Variants in GFM1 observed in about 807,000 individuals in gnomAD.
GFM1 encodes the protein elongation factor G, mitochondrial.
In GFM1, 62 loss-of-function variants were observed where a neutral mutation model predicts 96.2. The ratio of observed to expected loss-of-function variants is 0.64; its 90% CI spans 0.53 to 0.80. GFM1 has a LOEUF of 0.80. GFM1 is among the 30% of genes least tolerant of loss of function. The pLI is 0.00. For missense variants in GFM1, 852 were observed against 916.6 expected, an observed-to-expected ratio of 0.93 and a Z score of 0.91; for synonymous variants, 282 against 312.9, an observed-to-expected ratio of 0.90 and a Z score of 1.04.
At chr3:158,646,084 C>T in intron 2 of GFM1, 81 bp from the exon 3 acceptor site, 1 of 1,555,838 alleles carries the variant, frequency 6.4e-7, no homozygotes, top group Non-Finnish European at 8.9e-7. Flanking sequence ...CACCTGGCAA[C>T]TGTTTCCATT....
intron 13 of GFM1, chr3:158,671,129 G>A (rs1450444146): frequency 3.1e-6 from 4 of 1,286,652 alleles, no homozygotes. Context: ...GAAGGGGAAT[G>A]GTGAAAGCCT....
intron 13 of GFM1, among the ~76,000 whole-genome samples, chr3:158,673,513 T>C (rs113853418): frequency 3.4e-4 from 36 of 105,568 alleles, no homozygotes; most frequent in Admixed American, 4.7e-4. Context: ...CTTTTCTTTT[T>C]TTTTTTTTTT....
rs148596605 is a variant in GFM1 at position 158,680,795 on chromosome 3, C to G, written c.1602-1200C>G. Among the ~76,000 whole-genome samples, 575 of 152,212 alleles carry G rather than the reference C, an allele frequency of 3.8e-3. 4 individuals are homozygous for G. Among genetic ancestry groups the G allele is most frequent in the Non-Finnish European group, 6.3e-3 (430 of 67,988 alleles). On this transcript the variant is annotated intron_variant, in intron 13 of 17. Transcript: ENST00000486715. ...TAAGTATTCTGTTGTTTGGCACGCT[C>G]TCGATTATAAATTCAGATATGGTTC...
chr3:158,652,237 T>G lies in GFM1; in HGVS notation c.831T>G (p.Ser277=). ...TGGAAGAAAAAATCCCCTCGATTTC[T>G]GATTTAAAGGCAAGTGCTTTCAAAA... ...MFLEEKIPSI[S]DLKLAIRRAT... The change falls in exon 6 of 18, where the codon TCT becomes TCG. Residue 277 remains serine (S), a synonymous_variant. Transcript: ENST00000486715. 6.2e-7 allele frequency: 1 copy of G among 1,614,116 alleles called. No individual in the cohort carries two copies. Among genetic ancestry groups the G allele is most frequent in the East Asian group, 2.2e-5 (1 of 44,882 alleles).
chr3:158,672,869 A>T (rs1000758125), intron 13 of GFM1, among the ~76,000 whole-genome samples: 1 of 152,176 alleles, frequency 6.6e-6, no homozygotes, highest in Non-Finnish European at 1.5e-5. Flanking sequence ...ATAGAAGTGC[A>T]GGGTGGGGCT....
intron 5 of GFM1, chr3:158,649,833 A>C: frequency 1.7e-6 from 1 of 586,254 alleles, no homozygotes; most frequent in Non-Finnish European, 3.1e-6. Context: ...GATTCTGATC[A>C]GTAGATTGGG....
intron 8 of GFM1, chr3:158,657,155 TCTTA>T (rs1576742125): frequency 6.6e-6 from 1 of 152,292 alleles, no homozygotes; most frequent in Middle Eastern, 3.4e-3. Flanking sequence ...GGGGGCTTTT[TCTTA>T]CTTTAAAAAT....
At chr3:158,672,255 C>A (rs1237309939) in intron 13 of GFM1, 13 of 1,491,878 alleles carry the variant, frequency 8.7e-6, no homozygotes, top group Non-Finnish European at 1.2e-5. Flanking sequence ...TAGGGGGTGG[C>A]ACGGAGTGTC....
chr3:158,644,866 G>C, intron 1 of GFM1, 151 bp downstream of exon 1: 4 of 704,458 alleles, frequency 5.7e-6, no homozygotes, highest in Non-Finnish European at 1.0e-5. Context: ...GCACCTCGGT[G>C]CCTGCACATT....
In GFM1 at chr3:158,660,817, A is replaced by C. The variant is rs536643433; in HGVS notation, c.1222-57A>C. On this transcript the variant is annotated intron_variant, in intron 9 of 17. Coordinates refer to ENST00000486715, the MANE Select transcript of GFM1 (RefSeq NM_024996.7). ...GTACTGTACAGTTTACTTTTTAGTT[A>C]CCACATCTTTATTTGTATTACTTGC... 4.2e-4 allele frequency: 604 copies of C among 1,435,140 alleles called. 2 individuals are homozygous for C. Among genetic ancestry groups the C allele is most frequent in the Middle Eastern group, 2.8e-3 (14 of 4,948 alleles). The allele number at this position is 1,435,140 out of a possible 1,614,324, so 88.9% of individuals were successfully genotyped here.
chr3:158,677,737 C>G (rs576083341), intron 13 of GFM1, among the ~76,000 whole-genome samples: 1 of 151,982 alleles, frequency 6.6e-6, no homozygotes, highest in Non-Finnish European at 1.5e-5. Context: ...CTCCTGACCT[C>G]GTGATCCACC....
chr3:158,684,682 G>A lies in GFM1; in HGVS notation c.1909+14G>A, dbSNP rs542222365. On this transcript the variant is annotated intron_variant, in intron 15 of 17. Coordinates refer to ENST00000486715, the MANE Select transcript of GFM1 (RefSeq NM_024996.7). Reference sequence around the variant, plus strand: ...CTCTTAAACAAGGTATGCTGGGTCCGGGCACCTTAGCCTGTCTGTTTTCCT... The same window carrying A: ...CTCTTAAACAAGGTATGCTGGGTCCAGGCACCTTAGCCTGTCTGTTTTCCT... 2.8e-5 allele frequency: 45 copies of A among 1,613,414 alleles called. No individual in the cohort carries two copies. Among genetic ancestry groups the A allele is most frequent in the East Asian group, 4.5e-5 (2 of 44,872 alleles).
At chr3:158,689,770 A>G (rs2108115959) in intron 15 of GFM1, among the ~76,000 whole-genome samples, 1 of 151,824 alleles carries the variant, frequency 6.6e-6, no homozygotes, top group South Asian at 2.1e-4. Flanking sequence ...AAAAGAAAGA[A>G]TGGGTTTACC....
intron 13 of GFM1, 117 bp downstream of exon 13, chr3:158,666,503 G>A: frequency 8.9e-7 from 1 of 1,127,754 alleles, no homozygotes; most frequent in South Asian, 1.3e-5. Context: ...TTTGTATTAT[G>A]GACTCTATAA....
chr3:158,677,184 A>G (rs1279713425), intron 13 of GFM1, among the ~76,000 whole-genome samples: 1 of 152,202 alleles, frequency 6.6e-6, no homozygotes, highest in East Asian at 1.9e-4. Context: ...TAAGATAGCA[A>G]ACTTCATCCA....
chr3:158,682,893 G>A (rs915184178), intron 14 of GFM1, among the ~76,000 whole-genome samples: 2 of 151,960 alleles, frequency 1.3e-5, no homozygotes, highest in African/African-American at 2.4e-5. Context: ...AAATTAGCCC[G>A]GTGTAGTGGC....
In GFM1 at chr3:158,662,905, T is replaced by A. The variant is rs73028945; in HGVS notation, c.1380+221T>A. Among the ~76,000 whole-genome samples the A allele has an allele frequency of 0.016, 2,456 of 152,312 alleles. 54 individuals are homozygous for A. The highest frequency in any genetic ancestry group is 0.057 in the African/African-American group (2,370 of 41,566). ...GATGGTATTAAAATATTCACCTGAC[T>A]GTACTTTATAACTCTTTACTATATT... On this transcript the variant is annotated intron_variant, in intron 11 of 17. Transcript: ENST00000486715.
At chr3:158,677,057 T>C (rs937138635) in intron 13 of GFM1, among the ~76,000 whole-genome samples, 1 of 152,312 alleles carries the variant, frequency 6.6e-6, no homozygotes, top group South Asian at 2.1e-4. Flanking sequence ...CACATTTTGG[T>C]AATTCTTGTA....
At chr3:158,669,202 TA>T in intron 13 of GFM1, 1 of 1,439,424 alleles carries the variant, frequency 6.9e-7, no homozygotes, top group South Asian at 1.3e-5. Flanking sequence ...ATCTAAATTC[TA>T]AATCATGTCT....
Sources: allele counts gnomAD v4.1 joint callset (sites outside exome capture counted in the v4.1 genomes callset), GRCh38; gene constraint gnomAD v4.1.1; transcripts MANE v1.5; gene names NCBI Gene and HGNC (gene_info 2026-07-23, HGNC 2026-07-21).